ATP6V1E1: variants seen among roughly 807,000 people sequenced by gnomAD.
ATP6V1E1 encodes ATPase H+ transporting V1 subunit E1, also known as V-type proton ATPase subunit E 1.
In ATP6V1E1, 21 loss-of-function variants were observed where a neutral mutation model predicts 35.2. That is an observed-to-expected ratio of 0.60 (90% CI 0.42 to 0.86). The LOEUF is 0.86. ATP6V1E1 is among the 40% of genes least tolerant of loss of function. The probability of loss-of-function intolerance (pLI) is 0.00; values close to 1 mark genes in which losing one functional copy is unlikely to be tolerated. For missense variants in ATP6V1E1, 183 were observed against 272.6 expected (o/e 0.67, Z 2.32); for synonymous variants, 83 against 87.8 (o/e 0.95, Z 0.30).
chr22:17,619,675 C>T (rs957147421), intron 1 of ATP6V1E1, 149 bp from the exon 2 acceptor site: 2 of 665,284 alleles, frequency 3.0e-6, no homozygotes, highest in Non-Finnish European at 2.5e-6. Context: ...TGCTTTAGGC[C>T]AGGAGGTGGA....
rs5747249 is a variant in ATP6V1E1 at position 17,597,024 on chromosome 22, G to A, written c.530+1170C>T. Among the ~76,000 whole-genome samples the A allele has an allele frequency of 4.5e-4, 68 of 152,020 alleles. 1 individual carries two copies. The South Asian group carries it at 0.013, about 29-fold the overall frequency. ...TTGGGAGGCCGAGCGGGCAGATCACGAGGTCAGGAGATCGAGACCATCCTG... is the reference window on the plus strand; with the variant it reads ...TTGGGAGGCCGAGCGGGCAGATCACAAGGTCAGGAGATCGAGACCATCCTG... On this transcript the variant is annotated intron_variant, in intron 7 of 8. Coordinates refer to ENST00000253413, the MANE Select transcript of ATP6V1E1 (RefSeq NM_001696.4).
chr22:17,612,918 A>G, intron 3 of ATP6V1E1, 40 bp from the exon 4 acceptor site: 2 of 1,552,820 alleles, frequency 1.3e-6, no homozygotes, highest in Non-Finnish European at 1.8e-6. Flanking sequence ...GTAACAACTT[A>G]AAACTGTAGA....
chr22:17,599,037 G>A (rs1191407676), intron 6 of ATP6V1E1, among the ~76,000 whole-genome samples: 1 of 152,126 alleles, frequency 6.6e-6, no homozygotes, highest in Admixed American at 6.6e-5. Flanking sequence ...AAGGCATTAT[G>A]CTAAGTGAAA....
chr22:17,615,284 G>C (rs5747275), intron 2 of ATP6V1E1, among the ~76,000 whole-genome samples: 52,838 of 151,930 alleles, frequency 0.35, 9,526 homozygotes, highest in African/African-American at 0.41. Context: ...CTGGGTGACA[G>C]AGCAAGACTC....
intron 4 of ATP6V1E1, among the ~76,000 whole-genome samples, chr22:17,608,104 A>T (rs1253071007): frequency 6.6e-6 from 1 of 152,190 alleles, no homozygotes; most frequent in Non-Finnish European, 1.5e-5. Flanking sequence ...GAGATGTATT[A>T]TCTTGTCCAG....
chr22:17,614,240 G>C (rs1473413047), intron 2 of ATP6V1E1, among the ~76,000 whole-genome samples: 1 of 151,254 alleles, frequency 6.6e-6, no homozygotes, highest in Non-Finnish European at 1.5e-5. Context: ...ATCCCAGCTA[G>C]TCGGAAGGCT....
Position 17,594,524 on chromosome 22 carries a change from C to T in ATP6V1E1, c.618+5G>A, listed in dbSNP as rs1307096869. On this transcript the variant is annotated splice_donor_5th_base_variant and intron_variant, in intron 8 of 8. Transcript: ENST00000253413. ...CCAACTACCAAGAAGTACCCCCACA[C>T]TCACCTGCTGGGCTATGAGATCCAG... 2 of 1,571,130 alleles carry T rather than the reference C, an allele frequency of 1.3e-6. No homozygotes were observed. Among genetic ancestry groups the T allele is most frequent in the South Asian group, 1.2e-5 (1 of 84,110 alleles).
chr22:17,609,464 CTT>C (rs61116267), intron 4 of ATP6V1E1, among the ~76,000 whole-genome samples: 13 of 90,716 alleles, frequency 1.4e-4, no homozygotes, highest in African/African-American at 4.7e-4. Flanking sequence ...CCATCCTGCT[CTT>C]TTTTTTTTTT....
At chr22:17,594,922 G>C (rs1050150625) in intron 7 of ATP6V1E1, 7 of 182,540 alleles carry the variant, frequency 3.8e-5, no homozygotes, top group Non-Finnish European at 7.9e-5. Context: ...GATGTAAATG[G>C]TTGTTATACC....
intron 4 of ATP6V1E1, among the ~76,000 whole-genome samples, chr22:17,602,479 ATTC>A (rs1289859330): frequency 2.8e-4 from 42 of 152,040 alleles, no homozygotes; most frequent in Admixed American, 2.8e-3. Context: ...GGTTCAAGCA[ATTC>A]TTCTGCCTCA....
At position 17,612,888 on chromosome 22, in the gene ATP6V1E1, G is replaced by A. The variant is rs757172751; in HGVS notation, c.210-10C>T. 2.5e-6 allele frequency: 4 copies of A among 1,600,766 alleles called. No individual in the cohort carries two copies. The highest frequency in any genetic ancestry group is 2.7e-5 in the African/African-American group (2 of 74,078). ...CAAATTGGACATCTGACTGCAAAAC[G>A]GTATTGAAAAATAGCATTAGTAACA... On this transcript the variant is annotated splice_polypyrimidine_tract_variant and intron_variant, in intron 3 of 8. Coordinates refer to ENST00000253413, the MANE Select transcript of ATP6V1E1 (RefSeq NM_001696.4).
At chr22:17,605,034 G>A (rs2057778683) in intron 4 of ATP6V1E1, among the ~76,000 whole-genome samples, 1 of 151,080 alleles carries the variant, frequency 6.6e-6, no homozygotes, top group Non-Finnish European at 1.5e-5. Context: ...TGGCCAACAT[G>A]GTGAAACCCT....
intron 8 of ATP6V1E1, among the ~76,000 whole-genome samples, chr22:17,593,993 A>G (rs1488395751): frequency 2.0e-5 from 3 of 152,222 alleles, no homozygotes; most frequent in African/African-American, 7.2e-5. Context: ...ACCTGAGGTC[A>G]GGAATTTGAT....
At chr22:17,595,963 T>C (rs2057729851) in intron 7 of ATP6V1E1, among the ~76,000 whole-genome samples, 1 of 150,364 alleles carries the variant, frequency 6.7e-6, no homozygotes, top group African/African-American at 2.5e-5. Context: ...ACCCCGTCTC[T>C]ACTAAAAATA....
chr22:17,614,500 T>TACACAC (rs112669120), intron 2 of ATP6V1E1, among the ~76,000 whole-genome samples: 50 of 148,680 alleles, frequency 3.4e-4, no homozygotes, highest in Non-Finnish European at 4.8e-4. Flanking sequence ...CTACTAAAAA[T>TACACAC]ACACACACAC....
intron 2 of ATP6V1E1, 34 bp downstream of exon 2, chr22:17,619,427 T>C (rs1212393145): frequency 6.4e-7 from 1 of 1,560,448 alleles, no homozygotes; most frequent in African/African-American, 1.4e-5. Flanking sequence ...ATGGAAACCT[T>C]GATAACTTCT....
intron 4 of ATP6V1E1, among the ~76,000 whole-genome samples, chr22:17,601,464 G>A (rs1244388660): frequency 2.0e-5 from 3 of 152,040 alleles, no homozygotes; most frequent in South Asian, 2.1e-4. Flanking sequence ...GGAAAGATGC[G>A]CGCGATGTAA....
At chr22:17,626,580 A>G (rs919912717) in intron 1 of ATP6V1E1, among the ~76,000 whole-genome samples, 2 of 149,336 alleles carry the variant, frequency 1.3e-5, no homozygotes, top group Admixed American at 6.7e-5. Context: ...TCTGTTGCCC[A>G]GGCAGCAATG....
In ATP6V1E1 at chr22:17,604,097, G is replaced by A. The variant is rs2057774036; in HGVS notation, c.277-2916C>T. ...TAGCTAAGCAGGCTAGAACCTAATT[G>A]ACATAAACTGTGTTATCCCTTGTCT... On this transcript the variant is annotated intron_variant, in intron 4 of 8. Transcript: ENST00000253413. 2.0e-5 allele frequency among the ~76,000 whole-genome samples: 3 copies of A among 152,302 alleles called. No individual in the cohort carries two copies. In the South Asian group the frequency reaches 6.2e-4, roughly 32 times the overall value.
Sources: allele counts gnomAD v4.1 joint callset (sites outside exome capture counted in the v4.1 genomes callset), GRCh38; gene constraint gnomAD v4.1.1; transcripts MANE v1.5; gene names NCBI Gene and HGNC (gene_info 2026-07-23, HGNC 2026-07-21).